The following PTPN3 variants were observed in gnomAD, a reference collection of about 807,000 sequenced individuals.
PTPN3 encodes the protein tyrosine-protein phosphatase non-receptor type 3.
Under a neutral mutation model 132.7 loss-of-function variants are expected in PTPN3, and 96 were observed. That is an observed-to-expected ratio of 0.72 (90% CI 0.61 to 0.86). PTPN3 has a LOEUF of 0.86. Among genes scored for constraint, PTPN3 ranks in the 40% least tolerant of loss-of-function variants. PTPN3 has a pLI of 0.00. For missense variants in PTPN3, 1,125 were observed against 1,159.6 expected (o/e 0.97, Z 0.43); for synonymous variants, 398 against 429.0 (o/e 0.93, Z 0.89).
chr9:109,389,297 T>G lies in PTPN3; in HGVS notation c.2189A>C (p.Gln730Pro), dbSNP rs1423335793. The G allele has an allele frequency of 6.2e-7, 1 of 1,614,182 alleles. No individual in the cohort carries two copies. Among genetic ancestry groups the G allele is most frequent in the Non-Finnish European group, 8.5e-7 (1 of 1,180,030 alleles). Reference sequence around the variant, plus strand: ...TGACAACTTCTGATCCCAGACAACCTGCCAAAACTGTGCACAGGTATGCGG... The same window carrying G: ...TGACAACTTCTGATCCCAGACAACCGGCCAAAACTGTGCACAGGTATGCGG... ...PLPHTCAQFW[Q>P]VVWDQKLSLI... Residue 730 changes from glutamine to proline, a missense_variant, in exon 22 of 26, where the codon CAG becomes CCG. Physicochemically the swap from Gln to Pro is moderately conservative, Grantham distance 76. Transcript: ENST00000374541.
chr9:109,398,367 C>T (rs1840768542), intron 19 of PTPN3, among the ~76,000 whole-genome samples: 1 of 152,212 alleles, frequency 6.6e-6, no homozygotes, highest in Non-Finnish European at 1.5e-5. Flanking sequence ...TTTTCAGCTA[C>T]CTCTGCCCTT....
the PTPN3 span, among the ~76,000 whole-genome samples, chr9:109,523,537 T>C: frequency 7.1e-5 from 5 of 70,064 alleles, no homozygotes; most frequent in African/African-American, 3.0e-4. Flanking sequence ...CCAGGCATAT[T>C]TCCCAAGGAC....
At chr9:109,459,376 A>G (rs1845717279) in intron 2 of PTPN3, among the ~76,000 whole-genome samples, 1 of 152,204 alleles carries the variant, frequency 6.6e-6, no homozygotes, top group Non-Finnish European at 1.5e-5. Flanking sequence ...TCCTACACAT[A>G]GAAAGACACA....
chr9:109,435,578 G>T (rs1843985445), intron 9 of PTPN3, among the ~76,000 whole-genome samples: 1 of 152,146 alleles, frequency 6.6e-6, no homozygotes, highest in African/African-American at 2.4e-5. Flanking sequence ...GGAGATTTAG[G>T]GGTTTTTAGT....
At position 109,454,576 on chromosome 9, in the gene PTPN3, TACA is replaced by T; in HGVS notation, c.290-5_290-3del. 6.2e-7 allele frequency: 1 copy of T among 1,610,352 alleles called. No individual in the cohort carries two copies. Among genetic ancestry groups the T allele is most frequent in the Non-Finnish European group, 8.5e-7 (1 of 1,177,268 alleles). ...AATGCAGGGTACAGGGGAAACCTCC[TACA>T]ACATTTTTCAAAAACAAATTAAATT... On this transcript the variant is annotated splice_polypyrimidine_tract_variant and splice_region_variant and intron_variant, in intron 4 of 25. Coordinates refer to ENST00000374541, the MANE Select transcript of PTPN3 (RefSeq NM_002829.4).
the PTPN3 span, among the ~76,000 whole-genome samples, chr9:109,528,168 A>G: frequency 6.6e-6 from 1 of 152,240 alleles, no homozygotes; most frequent in African/African-American, 2.4e-5. Context: ...ATTTTGGTCA[A>G]TTATTGGACA....
At chr9:109,447,514 C>T (rs1305097495) in intron 6 of PTPN3, among the ~76,000 whole-genome samples, 1 of 152,014 alleles carries the variant, frequency 6.6e-6, no homozygotes, top group African/African-American at 2.4e-5. Context: ...GGGGAAGTGA[C>T]TCATTCCTAC....
Position 109,415,073 on chromosome 9 carries a change from T to TCCAA in PTPN3, c.1314-4662_1314-4659dup, listed in dbSNP as rs879716754. 1.5e-3 allele frequency among the ~76,000 whole-genome samples: 170 copies of TCCAA among 111,964 alleles called. 2 individuals carry two copies. The East Asian group carries it at 0.034, about 22-fold the overall frequency. 73.5% of individuals were successfully genotyped at this position (111,964 alleles called of 152,430 possible). A position where few individuals can be genotyped will look rare whatever the true frequency, so the allele number is the denominator to read the frequency against. On this transcript the variant is annotated intron_variant, in intron 14 of 25. Transcript: ENST00000374541. Reference sequence around the variant, plus strand: ...GTCCATCCGTCCATCCGTCCGTCCATCCAACCATCCATCCATCCATCCATC... The same window carrying TCCAA: ...GTCCATCCGTCCATCCGTCCGTCCATCCAACCAACCATCCATCCATCCATCCATC...
chr9:109,510,924 C>T, the PTPN3 span, among the ~76,000 whole-genome samples: 1 of 151,910 alleles, frequency 6.6e-6, no homozygotes, highest in East Asian at 1.9e-4. Context: ...TTTTAATTTT[C>T]GTTTTTGTAT....
chr9:109,435,935 T>A (rs1355582732), intron 9 of PTPN3, among the ~76,000 whole-genome samples: 1 of 152,192 alleles, frequency 6.6e-6, no homozygotes, highest in African/African-American at 2.4e-5. Flanking sequence ...GAAACAAAAA[T>A]AAATGAAAGT....
rs1306046560 is a variant in PTPN3 at position 109,445,235 on chromosome 9, C to A, written c.466+5G>T. On this transcript the variant is annotated splice_donor_5th_base_variant and intron_variant, in intron 7 of 25. Transcript: ENST00000374541. ...CATCCGTGAAATGCTCCCTTTGTGACTTACATTGTACGGCATAGGACGCTA... is the reference window on the plus strand; with the variant it reads ...CATCCGTGAAATGCTCCCTTTGTGAATTACATTGTACGGCATAGGACGCTA... 1.6e-5 allele frequency: 25 copies of A among 1,612,524 alleles called. No individual in the cohort carries two copies. The highest frequency in any genetic ancestry group is 2.0e-5 in the Non-Finnish European group (24 of 1,178,640).
At position 109,422,733 on chromosome 9, in the gene PTPN3, G is replaced by T. The variant is rs1337759399; in HGVS notation, c.1121C>A (p.Pro374His). The change falls in exon 13 of 26, where the codon CCC (proline) becomes CAC (histidine). Residue 374 changes from proline to histidine, a missense_variant. Transcript: ENST00000374541. ...GAGGACATACCAGTTGGGAGTAATGGGAGGGGAACGAGAAGGCAGACTCTT... is the reference window on the plus strand; with the variant it reads ...GAGGACATACCAGTTGGGAGTAATGTGAGGGGAACGAGAAGGCAGACTCTT... ...ETKSLPSRSP[P>H]ITPNWRSPRL... 6.2e-7 allele frequency: 1 copy of T among 1,611,286 alleles called. No individual in the cohort carries two copies. The highest frequency in any genetic ancestry group is 8.5e-7 in the Non-Finnish European group (1 of 1,177,932).
the PTPN3 span, among the ~76,000 whole-genome samples, chr9:109,535,340 A>C: frequency 1.3e-4 from 20 of 152,144 alleles, no homozygotes; most frequent in Non-Finnish European, 2.5e-4. Flanking sequence ...CTCCACTCAA[A>C]AATTTCAGTG....
At chr9:109,380,587 C>CTTT (rs1217776403) in intron 25 of PTPN3, among the ~76,000 whole-genome samples, 1 of 152,158 alleles carries the variant, frequency 6.6e-6, no homozygotes, top group Non-Finnish European at 1.5e-5. Flanking sequence ...GGATGATGGA[C>CTTT]TTTTTTCTTT....
chr9:109,410,042 C>T lies in PTPN3; in HGVS notation c.1535G>A (p.Arg512His), dbSNP rs189241432. ...DNGDSYLVLI[R>H]ITPDEDGKFG... ...TTTTCCATCTTCATCTGGTGTGATA[C>T]GGATCAAGACTAAGTAGCTGTCACC... is the stretch of plus-strand genomic sequence containing the variant. The change falls in exon 16 of 26, where the codon CGT (arginine) becomes CAT (histidine). Residue 512 changes from arginine to histidine, a missense_variant. Arg to His is a conservative substitution (Grantham distance 29). Transcript: ENST00000374541. The T allele has an allele frequency of 2.9e-5, 47 of 1,614,202 alleles. No homozygotes were observed. In the African/African-American group the frequency reaches 4.7e-4, roughly 16 times the overall value.
rs141200999 is a variant in PTPN3, at chr9:109,420,111, AG to A, written c.1313+312del. Among the ~76,000 whole-genome samples, 43 of 152,364 alleles carry A rather than the reference AG, an allele frequency of 2.8e-4. No individual in the cohort carries two copies. The East Asian group carries it at 7.9e-3, about 28-fold the overall frequency. ...GCCCTAGAGTCTGTACCTCCAGAACAGGGAATGATTAAACTGGGCTTTGCTT... is the reference window on the plus strand; with the variant it reads ...GCCCTAGAGTCTGTACCTCCAGAACAGGAATGATTAAACTGGGCTTTGCTT... On this transcript the variant is annotated intron_variant, in intron 14 of 25. Transcript: ENST00000374541.
chr9:109,473,813 G>A (rs1219542757), intron 1 of PTPN3, among the ~76,000 whole-genome samples: 6 of 152,050 alleles, frequency 3.9e-5, no homozygotes, highest in Non-Finnish European at 7.4e-5. Context: ...AGCCCCTCAT[G>A]TCCTCTTCCA....
chr9:109,405,363 T>C (rs1322226841), intron 18 of PTPN3, among the ~76,000 whole-genome samples: 1 of 152,074 alleles, frequency 6.6e-6, no homozygotes. Context: ...AGCACAGCAG[T>C]ATGGAGTGTC....
the PTPN3 span, among the ~76,000 whole-genome samples, chr9:109,514,702 T>C: frequency 6.6e-6 from 1 of 152,192 alleles, no homozygotes; most frequent in Non-Finnish European, 1.5e-5. Context: ...TCTGTAGCCA[T>C]GTTCTTTGCT....
Sources: gnomAD v4.1 joint callset for allele counts (sites outside exome capture counted in the v4.1 genomes callset) on GRCh38, gnomAD v4.1.1 for gene constraint, MANE v1.5 for transcripts, NCBI Gene and HGNC (gene_info 2026-07-23, HGNC 2026-07-21) for gene names.